The following ROBO2 variants were observed in gnomAD, a reference collection of about 807,000 sequenced individuals.
ROBO2 encodes the protein roundabout guidance receptor 2.
In ROBO2, 53 loss-of-function variants were observed where a neutral mutation model predicts 160.8. The ratio of observed to expected loss-of-function variants is 0.33; its 90% CI spans 0.26 to 0.41. The LOEUF (loss-of-function observed/expected upper bound fraction) is 0.41, where lower values mean the gene tolerates loss of function less well. Among genes scored for constraint, ROBO2 ranks in the 10% least tolerant of loss-of-function variants. ROBO2 has a pLI of 1.00. For missense variants in ROBO2, 1,577 were observed against 1,722.4 expected, an observed-to-expected ratio of 0.92 and a Z score of 1.49; for synonymous variants, 664 against 611.7, an observed-to-expected ratio of 1.09 and a Z score of -1.26.
intron 2 of ROBO2, among the ~76,000 whole-genome samples, chr3:76,280,828 C>T (rs1708191182): frequency 6.6e-6 from 1 of 151,918 alleles, no homozygotes; most frequent in African/African-American, 2.4e-5. Flanking sequence ...TTCAAAATTC[C>T]ATCAAGTAAG....
At chr3:76,425,566 C>T (rs150228593) in intron 2 of ROBO2, among the ~76,000 whole-genome samples, 2 of 151,226 alleles carry the variant, frequency 1.3e-5, no homozygotes, top group Non-Finnish European at 2.9e-5. Context: ...CCATGGTATA[C>T]CCAATGCCTA....
At chr3:77,110,451 T>G in intron 2 of ROBO2, among the ~76,000 whole-genome samples, 1 of 151,940 alleles carries the variant, frequency 6.6e-6, no homozygotes, top group East Asian at 1.9e-4. Context: ...ACTTTCAAAT[T>G]ACTCTTTTTA....
chr3:76,144,397 C>T (rs912148163), intron 2 of ROBO2, among the ~76,000 whole-genome samples: 1 of 152,048 alleles, frequency 6.6e-6, no homozygotes, highest in African/African-American at 2.4e-5. Context: ...GGGAAGAATT[C>T]ATCAGGTTTT....
intron 2 of ROBO2, among the ~76,000 whole-genome samples, chr3:76,160,528 C>T (rs942210874): frequency 6.6e-6 from 1 of 152,168 alleles, no homozygotes; most frequent in Non-Finnish European, 1.5e-5. Context: ...CCTGCTGCTG[C>T]AAGCTTCATC....
At chr3:77,015,708 G>C (rs149210843) in intron 2 of ROBO2, among the ~76,000 whole-genome samples, 5 of 152,250 alleles carry the variant, frequency 3.3e-5, no homozygotes, top group Admixed American at 6.5e-5. Context: ...TGACTGAAAA[G>C]AAGGGCTATT....
At chr3:76,939,382 C>T (rs1477539590) in intron 2 of ROBO2, among the ~76,000 whole-genome samples, 1 of 152,158 alleles carries the variant, frequency 6.6e-6, no homozygotes, top group Non-Finnish European at 1.5e-5. Flanking sequence ...ATGAGTGAAA[C>T]ATTCTGATAA....
At chr3:77,611,646 G>A (rs1055557844) in intron 21 of ROBO2, among the ~76,000 whole-genome samples, 2 of 152,026 alleles carry the variant, frequency 1.3e-5, no homozygotes, top group Admixed American at 6.6e-5. Context: ...TAAAAGCTTA[G>A]CTATCATCAG....
chr3:77,547,188 A>G (rs938977297), intron 7 of ROBO2, among the ~76,000 whole-genome samples: 1 of 152,100 alleles, frequency 6.6e-6, no homozygotes, highest in African/African-American at 2.4e-5. Flanking sequence ...AAGTTGGACA[A>G]CTGCTTAGCC....
Position 75,999,570 on chromosome 3 carries a change from A to G in ROBO2, c.109+61968A>G, listed in dbSNP as rs919880957. ...ATATTTCAACTGGAAAGCATTTTTT[A>G]ACTTTGTCCTAAAGAATTTCATGTG... On this transcript the variant is annotated intron_variant, in intron 2 of 26. Transcript: ENST00000487694. 9.2e-5 allele frequency among the ~76,000 whole-genome samples: 14 copies of G among 152,150 alleles called. 1 individual carries two copies. The highest frequency in any genetic ancestry group is 1.5e-5 in the Non-Finnish European group (1 of 68,010).
chr3:75,983,808 A>G (rs1349613758), intron 2 of ROBO2, among the ~76,000 whole-genome samples: 1 of 151,442 alleles, frequency 6.6e-6, no homozygotes, highest in Non-Finnish European at 1.5e-5. Flanking sequence ...TAGAGTTGGC[A>G]TGACATCATC....
At chr3:75,941,117 C>T (rs1229216401) in intron 2 of ROBO2, among the ~76,000 whole-genome samples, 1 of 151,958 alleles carries the variant, frequency 6.6e-6, no homozygotes, top group Non-Finnish European at 1.5e-5. Flanking sequence ...ATTTTTATTT[C>T]ATTTCATTTC....
chr3:76,758,885 A>G (rs980280317), intron 2 of ROBO2, among the ~76,000 whole-genome samples: 2 of 151,896 alleles, frequency 1.3e-5, no homozygotes, highest in African/African-American at 4.8e-5. Flanking sequence ...ATGTGTATGT[A>G]TAAATGATAG....
chr3:77,332,997 A>T (rs1239616138), intron 2 of ROBO2, among the ~76,000 whole-genome samples: 2 of 152,220 alleles, frequency 1.3e-5, no homozygotes, highest in Non-Finnish European at 2.9e-5. Flanking sequence ...CCCTTCTGGA[A>T]CCATTTCCAG....
At chr3:76,672,107 G>A (rs1404366948) in intron 2 of ROBO2, among the ~76,000 whole-genome samples, 1 of 151,880 alleles carries the variant, frequency 6.6e-6, no homozygotes, top group African/African-American at 2.4e-5. Context: ...TTTCGAATAC[G>A]TATCCACAGG....
At chr3:76,504,510 G>GA (rs2080670375) in intron 2 of ROBO2, among the ~76,000 whole-genome samples, 1 of 135,116 alleles carries the variant, frequency 7.4e-6, no homozygotes, top group Non-Finnish European at 1.6e-5. Flanking sequence ...AGTAAGCTTA[G>GA]AAAATACTCT....
intron 5 of ROBO2, among the ~76,000 whole-genome samples, chr3:77,505,521 A>T (rs2088365748): frequency 6.6e-6 from 1 of 152,144 alleles, no homozygotes; most frequent in African/African-American, 2.4e-5. Context: ...CTATCACTGA[A>T]TCCAAGGTAG....
Position 77,499,614 on chromosome 3 carries a change from C to T in ROBO2, c.806+6232C>T, listed in dbSNP as rs1376096859. 6.0e-5 allele frequency among the ~76,000 whole-genome samples: 9 copies of T among 149,782 alleles called. No homozygotes were observed. The East Asian group carries it at 1.6e-3, about 26-fold the overall frequency. ...TTTGGCCATATGATTTCCATAGAAA[C>T]ATATACAATATTATTTTTAAATAAG... On this transcript the variant is annotated intron_variant, in intron 5 of 25. Coordinates refer to ENST00000461745, the Ensembl canonical transcript of ROBO2.
At chr3:76,280,910 G>T (rs187343428) in intron 2 of ROBO2, among the ~76,000 whole-genome samples, 11 of 151,960 alleles carry the variant, frequency 7.2e-5, no homozygotes, top group Non-Finnish European at 1.5e-4. Context: ...GTTCAGTGTG[G>T]TGCAGCAGTG....
At chr3:77,108,597 T>C (rs1418388501) in intron 2 of ROBO2, among the ~76,000 whole-genome samples, 3 of 152,088 alleles carry the variant, frequency 2.0e-5, no homozygotes, top group Non-Finnish European at 2.9e-5. Context: ...CTGAGTCGCC[T>C]CAGGTGGCAG....
Sources: gnomAD v4.1 joint callset for allele counts (sites outside exome capture counted in the v4.1 genomes callset) on GRCh38, gnomAD v4.1.1 for gene constraint, MANE v1.5 for transcripts, NCBI Gene and HGNC (gene_info 2026-07-23, HGNC 2026-07-21) for gene names.